The following RIT2 variants were observed in gnomAD, a reference collection of about 807,000 sequenced individuals.
RIT2 encodes the protein GTP-binding protein Rit2.
Under a neutral mutation model 23.7 loss-of-function variants are expected in RIT2, and 24 were observed. That is an observed-to-expected ratio of 1.01 (90% CI 0.73 to 1.43). The LOEUF (loss-of-function observed/expected upper bound fraction) is 1.43. Among genes scored for constraint, RIT2 ranks in the 40% most tolerant of loss-of-function variants. The probability of loss-of-function intolerance (pLI) is 0.00; values close to 1 mark genes in which losing one functional copy is unlikely to be tolerated. For synonymous variants in RIT2, 107 were observed against 91.1 expected (o/e 1.17, Z -0.99); for missense variants, 236 against 266.9 (o/e 0.88, Z 0.81).
At chr18:43,041,721 C>A (rs1161482942) in intron 1 of RIT2, among the ~76,000 whole-genome samples, 1 of 151,990 alleles carries the variant, frequency 6.6e-6, no homozygotes, top group Non-Finnish European at 1.5e-5. Context: ...CAGATATTCC[C>A]ATAATTTACT....
intron 4 of RIT2, among the ~76,000 whole-genome samples, chr18:42,858,717 T>G (rs1194364768): frequency 6.6e-6 from 1 of 152,188 alleles, no homozygotes; most frequent in Non-Finnish European, 1.5e-5. Context: ...CCCCATTATC[T>G]GGTCCCTGAG....
At chr18:43,106,083 G>T (rs540714641) in intron 1 of RIT2, among the ~76,000 whole-genome samples, 13 of 152,256 alleles carry the variant, frequency 8.5e-5, no homozygotes, top group African/African-American at 3.1e-4. Context: ...ATTAATTAGA[G>T]ATATTAACCA....
At chr18:42,936,698 G>T (rs1296695660) in intron 3 of RIT2, among the ~76,000 whole-genome samples, 2 of 152,054 alleles carry the variant, frequency 1.3e-5, no homozygotes, top group Non-Finnish European at 2.9e-5. Context: ...TCATATCACG[G>T]TGAGTACATG....
At chr18:42,867,496 G>GA (rs1176838681) in intron 4 of RIT2, among the ~76,000 whole-genome samples, 3 of 151,936 alleles carry the variant, frequency 2.0e-5, no homozygotes, top group East Asian at 1.9e-4. Context: ...GGTGATTGGG[G>GA]AAAAAAATGC....
At chr18:43,070,297 T>C (rs778380951) in intron 1 of RIT2, among the ~76,000 whole-genome samples, 4 of 152,162 alleles carry the variant, frequency 2.6e-5, no homozygotes, top group African/African-American at 4.8e-5. Flanking sequence ...CTTAAGAATG[T>C]AAAGGAAAGC....
At chr18:42,926,081 C>A (rs994873181) in intron 3 of RIT2, among the ~76,000 whole-genome samples, 3 of 151,682 alleles carry the variant, frequency 2.0e-5, no homozygotes, top group Admixed American at 6.6e-5. Flanking sequence ...GAAAATTTAT[C>A]TATACCTGAG....
intron 4 of RIT2, among the ~76,000 whole-genome samples, chr18:42,796,084 A>C (rs1385935285): frequency 2.6e-5 from 4 of 152,070 alleles, no homozygotes; most frequent in Non-Finnish European, 4.4e-5. Flanking sequence ...GTCCTCTTCC[A>C]CACTGTGGAA....
At chr18:43,088,415 G>A (rs1194251433) in intron 1 of RIT2, among the ~76,000 whole-genome samples, 1 of 152,082 alleles carries the variant, frequency 6.6e-6, no homozygotes. Context: ...ATGAAAACTT[G>A]TTTAGTCTCT....
At chr18:42,961,889 C>T (rs1262353635) in intron 3 of RIT2, among the ~76,000 whole-genome samples, 1 of 152,110 alleles carries the variant, frequency 6.6e-6, no homozygotes, top group Non-Finnish European at 1.5e-5. Flanking sequence ...ACGCATTTTC[C>T]ATGGCACACT....
intron 4 of RIT2, among the ~76,000 whole-genome samples, chr18:42,864,732 T>G (rs1907422743): frequency 6.6e-6 from 1 of 152,190 alleles, no homozygotes; most frequent in South Asian, 2.1e-4. Flanking sequence ...TCTTCATTTC[T>G]GCCTAGCAAG....
intron 2 of RIT2, among the ~76,000 whole-genome samples, chr18:42,990,489 C>T (rs1432031311): frequency 6.6e-6 from 1 of 152,186 alleles, no homozygotes; most frequent in Non-Finnish European, 1.5e-5. Flanking sequence ...TCTGCACTTG[C>T]CCAGTCAGAA....
rs377505968 is a variant in RIT2, at chr18:42,801,645, T to C, written c.427-57925A>G. On this transcript the variant is annotated intron_variant, in intron 4 of 4. Transcript: ENST00000326695. Reference sequence around the variant, plus strand: ...TAATGAAAATAAGCACTAACTTATGTACCTCAGGCCTAGAGGAAATCATAC... The same window carrying C: ...TAATGAAAATAAGCACTAACTTATGCACCTCAGGCCTAGAGGAAATCATAC... Among the ~76,000 whole-genome samples the C allele has an allele frequency of 3.3e-5, 5 of 152,208 alleles. No homozygotes were observed. The East Asian group carries it at 7.7e-4, about 23-fold the overall frequency.
chr18:42,942,832 A>G (rs1025151887), intron 3 of RIT2, among the ~76,000 whole-genome samples: 2 of 152,154 alleles, frequency 1.3e-5, no homozygotes, highest in Non-Finnish European at 2.9e-5. Flanking sequence ...AATCTGCATA[A>G]TCATATAAAT....
chr18:42,990,912 G>T (rs377130053), intron 2 of RIT2, among the ~76,000 whole-genome samples: 1,509 of 132,986 alleles, frequency 0.011, 14 homozygotes, highest in African/African-American at 0.028. Flanking sequence ...CACTGGTTTT[G>T]TTTTTTTTTT....
chr18:42,775,299 A>G (rs1341969603), intron 4 of RIT2, among the ~76,000 whole-genome samples: 1 of 152,188 alleles, frequency 6.6e-6, no homozygotes, highest in Non-Finnish European at 1.5e-5. Context: ...ATTTTGGCCC[A>G]GAAGTGACAT....
At chr18:42,759,609 A>G (rs1002254213) in intron 4 of RIT2, among the ~76,000 whole-genome samples, 4 of 151,782 alleles carry the variant, frequency 2.6e-5, no homozygotes, top group Non-Finnish European at 5.9e-5. Flanking sequence ...GCATTGAGAT[A>G]GGGGAGACAG....
At chr18:42,995,246 T>G (rs1384888539) in intron 2 of RIT2, among the ~76,000 whole-genome samples, 1 of 152,072 alleles carries the variant, frequency 6.6e-6, no homozygotes, top group African/African-American at 2.4e-5. Flanking sequence ...CCATCTGCTA[T>G]TCTACTACTT....
At chr18:43,083,836 T>C (rs1598776346) in intron 1 of RIT2, among the ~76,000 whole-genome samples, 1 of 152,110 alleles carries the variant, frequency 6.6e-6, no homozygotes, top group East Asian at 1.9e-4. Flanking sequence ...AAAGACTTCA[T>C]GACTAAAACA....
chr18:42,989,013 G>A (rs1485813061), intron 2 of RIT2, among the ~76,000 whole-genome samples: 2 of 152,164 alleles, frequency 1.3e-5, no homozygotes, highest in Non-Finnish European at 2.9e-5. Flanking sequence ...CAAGCTTGCT[G>A]AATATGAAGT....
Sources: allele counts gnomAD v4.1 joint callset (sites outside exome capture counted in the v4.1 genomes callset), GRCh38; gene constraint gnomAD v4.1.1; transcripts MANE v1.5; gene names NCBI Gene and HGNC (gene_info 2026-07-23, HGNC 2026-07-21).